TCF7: variants seen among roughly 807,000 people sequenced by gnomAD.
The protein encoded by TCF7 is T-cell-factor-7.
In TCF7, 19 loss-of-function variants were observed where a neutral mutation model predicts 46.8. The observed-to-expected ratio is 0.41, with a 90% confidence interval of 0.28 to 0.60. TCF7 has a LOEUF of 0.60. TCF7 is among the 20% of genes least tolerant of loss of function. TCF7 has a pLI of 0.35. For missense variants in TCF7, 547 were observed against 504.6 expected (o/e 1.08, Z -0.81); for synonymous variants, 245 against 213.4 (o/e 1.15, Z -1.29).
chr5:134,135,641 G>T (rs1023807262), intron 3 of TCF7, among the ~76,000 whole-genome samples: 1 of 152,184 alleles, frequency 6.6e-6, no homozygotes, highest in African/African-American at 2.4e-5. Context: ...AGCGTTTGGG[G>T]CAGGAAGTCA....
rs1760772856 is a variant in TCF7, at chr5:134,146,822, C to G, written c.*519C>G. 4 of 433,340 alleles carry G rather than the reference C, an allele frequency of 9.2e-6. No individual in the cohort carries two copies. The highest frequency in any genetic ancestry group is 1.7e-5 in the Non-Finnish European group (4 of 241,774). 26.8% of individuals were successfully genotyped at this position (433,340 alleles called of 1,614,324 possible). ...CAGCCAGAAGCCTCTGCCTCCCTAG[C>G]TTTTCTGCTATAGGTCAGAGATGGG... On this transcript the variant is annotated 3_prime_UTR_variant, in exon 10 of 10. Transcript: ENST00000342854.
chr5:134,118,983 G>T (rs1756211833), intron 3 of TCF7, among the ~76,000 whole-genome samples: 1 of 152,188 alleles, frequency 6.6e-6, no homozygotes, highest in South Asian at 2.1e-4. Flanking sequence ...GGGTCTCACT[G>T]TGTTGCCTGG....
intron 1 of TCF7, 65 bp from the exon 2 acceptor site, chr5:134,115,255 GC>G: frequency 1.4e-6 from 2 of 1,463,932 alleles, no homozygotes; most frequent in Non-Finnish European, 1.8e-6. Context: ...GAGCGTCCCT[GC>G]CCCGGCGTCG....
upstream of TCF7, among the ~76,000 whole-genome samples, chr5:134,111,381 T>C (rs922195018): frequency 6.6e-6 from 1 of 152,154 alleles, no homozygotes; most frequent in Non-Finnish European, 1.5e-5. Context: ...TGGGGCCTCC[T>C]TGCAGCTGGT....
At chr5:134,142,577 A>G (rs1418122799) in intron 6 of TCF7, 144 bp from the exon 7 acceptor site, 1 of 1,151,606 alleles carries the variant, frequency 8.7e-7, no homozygotes, top group African/African-American at 1.6e-5. Context: ...CTGCTCACCC[A>G]TTTGGGGGCA....
chr5:134,143,388 G>A (rs764442909), intron 8 of TCF7: 11 of 796,302 alleles, frequency 1.4e-5, no homozygotes, highest in Middle Eastern at 2.2e-4. Flanking sequence ...CATTCAAACT[G>A]GAGACCAGAT....
upstream of TCF7, among the ~76,000 whole-genome samples, chr5:134,110,653 C>T (rs759679063): frequency 1.1e-4 from 17 of 152,244 alleles, no homozygotes; most frequent in South Asian, 2.1e-4. Context: ...AGCCTCCCGG[C>T]GGCTTTGGGC....
intron 3 of TCF7, among the ~76,000 whole-genome samples, chr5:134,130,699 C>T (rs114504335): frequency 0.017 from 2,577 of 152,244 alleles, 75 homozygotes; most frequent in African/African-American, 0.059. Flanking sequence ...GTCCTGAGTC[C>T]AAGTAGTGGC....
At chr5:134,128,197 G>C (rs1757607481) in intron 3 of TCF7, among the ~76,000 whole-genome samples, 3 of 152,154 alleles carry the variant, frequency 2.0e-5, no homozygotes, top group Admixed American at 1.3e-4. Context: ...CTCAACCCCA[G>C]TTTGGTATTT....
intron 3 of TCF7, among the ~76,000 whole-genome samples, chr5:134,129,221 G>A (rs1422104110): frequency 2.0e-5 from 3 of 152,222 alleles, no homozygotes; most frequent in African/African-American, 7.2e-5. Flanking sequence ...GTGGAGCTCT[G>A]CAGACTGAGA....
intron 3 of TCF7, among the ~76,000 whole-genome samples, chr5:134,129,077 AATCCAGATCC>A (rs1232254542): frequency 2.6e-5 from 4 of 152,234 alleles, no homozygotes; most frequent in Admixed American, 2.6e-4. Context: ...GCCAGATTCT[AATCCAGATCC>A]ATCACTGCTT....
chr5:134,132,273 GAA>G (rs2149320081), intron 3 of TCF7, among the ~76,000 whole-genome samples: 1 of 152,342 alleles, frequency 6.6e-6, no homozygotes, highest in Non-Finnish European at 1.5e-5. Flanking sequence ...ACGGTGCTCA[GAA>G]CTCTGCCTCA....
chr5:134,148,047 C>G lies in TCF7; in HGVS notation c.*1744C>G, dbSNP rs1040761083. On this transcript the variant is annotated 3_prime_UTR_variant, in exon 10 of 10. Transcript: ENST00000342854. ...CCTCAAAAAAAGCCTTTAGTTCCTA[C>G]TTTAGCCACTGGTTTCTCAGAATCC... 1 of 150,164 alleles carries G rather than the reference C, an allele frequency of 6.7e-6. No homozygotes were observed. The highest frequency in any genetic ancestry group is 6.6e-5 in the Admixed American group (1 of 15,058). The allele number at this position is 150,164 out of a possible 1,614,324, so 9.3% of individuals were successfully genotyped here.
At chr5:134,116,071 C>T (rs2149267069) in intron 3 of TCF7, 38 bp downstream of exon 3, 1 of 1,589,420 alleles carries the variant, frequency 6.3e-7, no homozygotes, top group East Asian at 2.2e-5. Flanking sequence ...CCTGTGCTTG[C>T]AGCCTCCTTG....
chr5:134,113,624 C>T (rs116561512), upstream of TCF7, among the ~76,000 whole-genome samples: 474 of 152,390 alleles, frequency 3.1e-3, no homozygotes, highest in African/African-American at 0.011. Context: ...CTGCTGTTGA[C>T]TGCATCGCGA....
At chr5:134,141,613 G>C (rs1184872506) in intron 5 of TCF7, 1 of 152,444 alleles carries the variant, frequency 6.6e-6, no homozygotes, top group Non-Finnish European at 1.5e-5. Context: ...AAGAAAACAA[G>C]GGAACAGCCA....
intron 3 of TCF7, among the ~76,000 whole-genome samples, chr5:134,122,275 A>G (rs375371540): frequency 3.1e-4 from 47 of 152,228 alleles, no homozygotes; most frequent in African/African-American, 1.0e-3. Context: ...TCCTCTGGAA[A>G]GTCGGGGTGA....
chr5:134,115,522 A>G lies in TCF7; in HGVS notation c.316+135A>G, dbSNP rs30491. ...AGGAGGCGGCAGAACCCAGGGGTGG[A>G]GAGTGGGGGGCGGGCTTCCCGGGCG... is the stretch of plus-strand genomic sequence containing the variant. On this transcript the variant is annotated intron_variant, in intron 2 of 9. Coordinates refer to ENST00000342854, the MANE Select transcript of TCF7 (RefSeq NM_003202.5). 0.026 allele frequency: 38,478 copies of G among 1,455,026 alleles called. 1,282 individuals are homozygous for G. Among genetic ancestry groups the G allele is most frequent in the African/African-American group, 0.17 (11,605 of 68,694 alleles). 90.1% of individuals were successfully genotyped at this position (1,455,026 alleles called of 1,614,324 possible). A position where few individuals can be genotyped will look rare whatever the true frequency, so the allele number is the denominator to read the frequency against.
chr5:134,115,541 C>T, intron 2 of TCF7, 154 bp downstream of exon 2: 2 of 1,440,524 alleles, frequency 1.4e-6, no homozygotes, highest in Non-Finnish European at 9.1e-7. Context: ...GGCGGGCTTC[C>T]CGGGCGCCGC....
Sources: allele counts gnomAD v4.1 joint callset (sites outside exome capture counted in the v4.1 genomes callset), GRCh38; gene constraint gnomAD v4.1.1; transcripts MANE v1.5; gene names NCBI Gene and HGNC (gene_info 2026-07-23, HGNC 2026-07-21).